TLK1: variants seen among roughly 807,000 people sequenced by gnomAD.
TLK1 encodes serine/threonine-protein kinase tousled-like 1.
A neutral mutation model predicts 105.3 loss-of-function variants in TLK1; 24 were observed. The ratio of observed to expected loss-of-function variants is 0.23; its 90% CI spans 0.17 to 0.32. The LOEUF (loss-of-function observed/expected upper bound fraction) is 0.32. Among genes scored for constraint, TLK1 ranks in the 10% least tolerant of loss-of-function variants. TLK1 has a pLI of 1.00. For missense variants in TLK1, 558 were observed against 910.5 expected (o/e 0.61, Z 4.98); for synonymous variants, 321 against 310.4 (o/e 1.03, Z -0.36).
chr2:170,995,181 T>A (rs1206500778), intron 20 of TLK1, among the ~76,000 whole-genome samples: 1 of 152,076 alleles, frequency 6.6e-6, no homozygotes, highest in East Asian at 1.9e-4. Flanking sequence ...AAGACTGATA[T>A]GTTAGAGTTT....
Position 171,160,505 on chromosome 2 carries a change from TGGCGGGGGCCGCGCTGAG to T in TLK1, c.-95_-78del. On this transcript the variant is annotated 5_prime_UTR_variant, in exon 1 of 21. Coordinates refer to ENST00000431350, the MANE Select transcript of TLK1 (RefSeq NM_012290.5). The surrounding 1 kb of genome is among the most constrained non-coding windows in gnomAD (Gnocchi z 4.4). ...ACGGCACCGGCACCCGCCTCCGTCA[TGGCGGGGGCCGCGCTGAG>T]GGCGAGCGAGAGAGCGAGGGCTGGG... 6.5e-7 allele frequency: 1 copy of T among 1,539,374 alleles called. No individual in the cohort carries two copies. The highest frequency in any genetic ancestry group is 8.7e-7 in the Non-Finnish European group (1 of 1,148,360).
At chr2:171,075,891 G>A (rs544562301) in intron 3 of TLK1, among the ~76,000 whole-genome samples, 27 of 152,256 alleles carry the variant, frequency 1.8e-4, no homozygotes, top group African/African-American at 6.0e-4. Flanking sequence ...TGAAGTTCAC[G>A]TAGAAACTTA....
chr2:171,011,935 T>G (rs985773208), intron 13 of TLK1, among the ~76,000 whole-genome samples: 23 of 151,434 alleles, frequency 1.5e-4, no homozygotes, highest in Non-Finnish European at 4.4e-5. Flanking sequence ...TTAAAAAGAT[T>G]TTTTAAAATT....
At position 170,993,732 on chromosome 2, in the gene TLK1, T is replaced by G; in HGVS notation, c.*48A>C. The G allele has an allele frequency of 7.0e-7, 1 of 1,421,846 alleles. No homozygotes were observed. The allele number at this position is 1,421,846 out of a possible 1,614,324, so 88.1% of individuals were successfully genotyped here. Reference sequence around the variant, plus strand: ...ACTCAAATGCTCTCAAACTTAAGTGTGCATCTGGAAGCAAATTCAAAGATA... The same window carrying G: ...ACTCAAATGCTCTCAAACTTAAGTGGGCATCTGGAAGCAAATTCAAAGATA... On this transcript the variant is annotated 3_prime_UTR_variant, in exon 21 of 21. Transcript: ENST00000431350.
chr2:171,182,201 G>C (rs2162483), intron 1 of TLK1, among the ~76,000 whole-genome samples: 152,352 of 152,354 alleles, frequency 1, 76,175 homozygotes, highest in Non-Finnish European at 1. Flanking sequence ...AATAAAAATT[G>C]AGAAAAAGCC....
At chr2:171,181,841 A>T (rs1381862920) in intron 1 of TLK1, among the ~76,000 whole-genome samples, 1 of 150,960 alleles carries the variant, frequency 6.6e-6, no homozygotes, top group Non-Finnish European at 1.5e-5. Context: ...GAGCATTCAA[A>T]CTACGGCAGT....
chr2:171,075,788 C>G lies in TLK1; in HGVS notation c.330+6993G>C, dbSNP rs1558926882. Among the ~76,000 whole-genome samples, 3 of 152,090 alleles carry G rather than the reference C, an allele frequency of 2.0e-5. No individual in the cohort carries two copies. In the South Asian group the frequency reaches 6.2e-4, roughly 31 times the overall value. On this transcript the variant is annotated intron_variant, in intron 3 of 20. Transcript: ENST00000431350. Reference sequence around the variant, plus strand: ...ATAATCATTAAGAATTCCAAATGAGCTAGAAGATACATAATCTAACTTAGC... The same window carrying G: ...ATAATCATTAAGAATTCCAAATGAGGTAGAAGATACATAATCTAACTTAGC...
chr2:171,134,976 G>A (rs1215608783), intron 1 of TLK1, among the ~76,000 whole-genome samples: 1 of 151,964 alleles, frequency 6.6e-6, no homozygotes, highest in Non-Finnish European at 1.5e-5. Flanking sequence ...AGTAAAATAA[G>A]CCAGGCACAG....
chr2:171,145,974 G>C (rs747069103), intron 1 of TLK1, among the ~76,000 whole-genome samples: 6 of 152,132 alleles, frequency 3.9e-5, no homozygotes, highest in Non-Finnish European at 7.4e-5. Flanking sequence ...TCTTGTCTCA[G>C]TGGTCGTTAC....
At chr2:171,007,156 T>G (rs1432401911) in intron 14 of TLK1, 93 bp from the exon 15 acceptor site, 2 of 1,007,592 alleles carry the variant, frequency 2.0e-6, no homozygotes, top group East Asian at 5.0e-5. Flanking sequence ...TGCAATAATA[T>G]GGAATTAGGA....
intron 1 of TLK1, among the ~76,000 whole-genome samples, chr2:171,200,768 C>A (rs928062847): frequency 2.6e-5 from 4 of 151,920 alleles, no homozygotes; most frequent in African/African-American, 7.3e-5. Flanking sequence ...TCTTAATTAG[C>A]AACAGAAATA....
chr2:171,169,203 T>G (rs1692677114), intron 1 of TLK1, among the ~76,000 whole-genome samples: 1 of 152,198 alleles, frequency 6.6e-6, no homozygotes, highest in Non-Finnish European at 1.5e-5. Flanking sequence ...GATAATTCTA[T>G]TCAACATTAT....
At chr2:171,101,346 CA>C (rs71401403) in intron 2 of TLK1, among the ~76,000 whole-genome samples, 52 of 63,492 alleles carry the variant, frequency 8.2e-4, no homozygotes, top group South Asian at 6.0e-3. Context: ...AACTCCGTCT[CA>C]AAAAAAAAAA....
At chr2:171,064,241 G>A (rs946841532) in intron 3 of TLK1, among the ~76,000 whole-genome samples, 1 of 152,176 alleles carries the variant, frequency 6.6e-6, no homozygotes, top group East Asian at 1.9e-4. Context: ...AGGGGAAGGA[G>A]AAGGGAAGGA....
intron 3 of TLK1, among the ~76,000 whole-genome samples, chr2:171,065,537 C>G (rs1412822155): frequency 4.8e-5 from 4 of 83,528 alleles, no homozygotes; most frequent in African/African-American, 1.7e-4. Flanking sequence ...ACTGGCTATT[C>G]TTTCTTTTTT....
chr2:171,078,355 T>C (rs1034010563), intron 3 of TLK1, among the ~76,000 whole-genome samples: 47 of 152,012 alleles, frequency 3.1e-4, no homozygotes, highest in Admixed American at 1.7e-3. Context: ...CTGGCCAACA[T>C]AGTGAAACCC....
chr2:171,197,790 C>A (rs112513691), intron 1 of TLK1, among the ~76,000 whole-genome samples: 1 of 119,384 alleles, frequency 8.4e-6, no homozygotes, highest in Non-Finnish European at 1.9e-5. Flanking sequence ...AAAACAAAAC[C>A]AAACAAACAA....
At chr2:171,085,835 G>C (rs1019867044) in intron 2 of TLK1, among the ~76,000 whole-genome samples, 6 of 152,148 alleles carry the variant, frequency 3.9e-5, no homozygotes, top group African/African-American at 1.4e-4. Flanking sequence ...ATAATGACAA[G>C]GGAGAGGATA....
chr2:171,058,021 CAT>C, intron 5 of TLK1, 128 bp downstream of exon 5: 1 of 783,440 alleles, frequency 1.3e-6, no homozygotes, highest in East Asian at 2.6e-5. Context: ...AAAGATATCA[CAT>C]AGTAATAAAG....
Sources: gnomAD v4.1 joint callset for allele counts (sites outside exome capture counted in the v4.1 genomes callset) on GRCh38, gnomAD v4.1.1 for gene constraint, Gnocchi (gnomAD v3.1) non-coding constraint, MANE v1.5 for transcripts, NCBI Gene and HGNC (gene_info 2026-07-23, HGNC 2026-07-21) for gene names.